The following PPP1R12A variants were observed in gnomAD, a reference collection of about 807,000 sequenced individuals.
The protein encoded by PPP1R12A is protein phosphatase 1 regulatory subunit 12A.
In PPP1R12A, 19 loss-of-function variants were observed where a neutral mutation model predicts 139.6. The observed-to-expected ratio is 0.14, with a 90% CI of 0.09 to 0.20. The LOEUF is 0.20. Ranked by LOEUF, PPP1R12A falls within the 10% of genes least tolerant of loss-of-function variation. The probability of loss-of-function intolerance (pLI) is 1.00; values close to 1 mark genes in which losing one functional copy is unlikely to be tolerated. For missense variants in PPP1R12A, 925 were observed against 1,211.5 expected (o/e 0.76, Z 3.51); for synonymous variants, 427 against 420.6 (o/e 1.02, Z -0.19).
intron 5 of PPP1R12A, among the ~76,000 whole-genome samples, chr12:79,827,545 AAC>A (rs1178986705): frequency 6.6e-6 from 1 of 152,126 alleles, no homozygotes; most frequent in African/African-American, 2.4e-5. Flanking sequence ...ATTACCTACC[AAC>A]ACAGAGTAGG....
chr12:79,883,800 G>C (rs1883862719), intron 1 of PPP1R12A, among the ~76,000 whole-genome samples: 1 of 152,132 alleles, frequency 6.6e-6, no homozygotes, highest in Non-Finnish European at 1.5e-5. Context: ...TCAGGATATT[G>C]TGCTTGGAAA....
intron 1 of PPP1R12A, among the ~76,000 whole-genome samples, chr12:79,929,326 C>T (rs956111849): frequency 6.6e-6 from 1 of 152,154 alleles, no homozygotes; most frequent in Non-Finnish European, 1.5e-5. Flanking sequence ...CACGGCCCAG[C>T]GTTTGTGAAC....
At chr12:79,909,429 G>A (rs1193085618) in intron 1 of PPP1R12A, among the ~76,000 whole-genome samples, 10 of 152,094 alleles carry the variant, frequency 6.6e-5, no homozygotes, top group Non-Finnish European at 2.9e-5. Context: ...ATCTGTTACA[G>A]TATGAACTTA....
intron 11 of PPP1R12A, 60 bp from the exon 12 acceptor site, chr12:79,807,390 G>C: frequency 1.9e-6 from 2 of 1,027,182 alleles, no homozygotes; most frequent in East Asian, 2.7e-5. Flanking sequence ...TTAAGAAAGC[G>C]GTACACTAGT....
chr12:79,928,015 G>C (rs1038859352), intron 1 of PPP1R12A, among the ~76,000 whole-genome samples: 1 of 152,176 alleles, frequency 6.6e-6, no homozygotes, highest in African/African-American at 2.4e-5. Context: ...TGTTATGGTA[G>C]TAACAAAACA....
chr12:79,781,835 G>A lies in PPP1R12A; in HGVS notation c.2935C>T (p.Leu979=). 1 of 1,541,920 alleles carries A rather than the reference G, an allele frequency of 6.5e-7. No individual in the cohort carries two copies. The highest frequency in any genetic ancestry group is 8.8e-7 in the Non-Finnish European group (1 of 1,139,960). The change falls in exon 23 of 25, where the codon CTG becomes TTG. Residue 979 remains leucine, a synonymous_variant. Coordinates refer to ENST00000450142, the MANE Select transcript of PPP1R12A (RefSeq NM_002480.3). ...CTTACCCTTTTTTCCATTTCCAACA[G>A]TGATCTATCAGCAAATCTTTCTTGT... ...QRQERFADRS[L]LEMEKRERRA...
At chr12:79,836,170 T>G (rs1878055336) in intron 3 of PPP1R12A, among the ~76,000 whole-genome samples, 1 of 152,206 alleles carries the variant, frequency 6.6e-6, no homozygotes, top group African/African-American at 2.4e-5. Flanking sequence ...CTATTATGAT[T>G]TTTATAAAAA....
intron 1 of PPP1R12A, among the ~76,000 whole-genome samples, chr12:79,917,302 T>C (rs1288642414): frequency 2.0e-5 from 3 of 151,910 alleles, no homozygotes; most frequent in Admixed American, 1.3e-4. Context: ...CTGACCAACA[T>C]GGTGAAACCC....
At chr12:79,778,677 G>A (rs1323680577) in intron 23 of PPP1R12A, 77 bp from the exon 24 acceptor site, 3 of 963,984 alleles carry the variant, frequency 3.1e-6, no homozygotes, top group Non-Finnish European at 4.3e-6. Context: ...GTGAAATAGT[G>A]ATACTTCAGA....
intron 22 of PPP1R12A, among the ~76,000 whole-genome samples, chr12:79,783,297 A>G (rs1870700677): frequency 6.8e-6 from 1 of 147,648 alleles, no homozygotes. Context: ...GTCTCTACCA[A>G]AAAAAAAAAA....
At chr12:79,860,674 C>A (rs1328852843) in intron 2 of PPP1R12A, among the ~76,000 whole-genome samples, 1 of 151,972 alleles carries the variant, frequency 6.6e-6, no homozygotes, top group African/African-American at 2.4e-5. Context: ...GGAGGTATTG[C>A]CACTGGAACT....
Position 79,781,861 on chromosome 12 carries a change from C to G in PPP1R12A, c.2909G>C (p.Arg970Thr). 1 of 1,538,138 alleles carries G rather than the reference C, an allele frequency of 6.5e-7. No homozygotes were observed. The highest frequency in any genetic ancestry group is 8.8e-7 in the Non-Finnish European group (1 of 1,137,168). The change falls in exon 23 of 25, where the codon AGA becomes ACA. Residue 970 changes from arginine (R) to threonine (T), a missense_variant and splice_region_variant. Around this residue, in one of 4 missense-constraint regions of PPP1R12A, gnomAD observed 315 missense variants for 363.4 expected, o/e 0.87. Transcript: ENST00000450142. The stretch of plus-strand genomic sequence containing the variant: ...TGATCTATCAGCAAATCTTTCTTGT[C>G]TCTGCAACAAAGTAAGAAATTATAA... ...LKLQLEKATQ[R>T]QERFADRSLL...
At chr12:79,820,420 T>C (rs1453753308) in intron 8 of PPP1R12A, among the ~76,000 whole-genome samples, 2 of 152,168 alleles carry the variant, frequency 1.3e-5, no homozygotes, top group Non-Finnish European at 2.9e-5. Context: ...TTTGGGATGC[T>C]GTTGGGACCG....
In PPP1R12A at chr12:79,798,568, C is replaced by G; in HGVS notation, c.2017G>C (p.Val673Leu). Residue 673 changes from valine (V) to leucine (L), a missense_variant, in exon 15 of 25, where the codon GTT (valine) becomes CTT (leucine). Coordinates refer to ENST00000450142, the MANE Select transcript of PPP1R12A (RefSeq NM_002480.3). ...RERRRSYLTPVRDEESESQRK... is the reference protein window; with the variant it reads ...RERRRSYLTPLRDEESESQRK... ...TGGGATTCAGACTCTTCATCCCTAA[C>G]AGGAGTGAGGTATGATCTACAGTAG... 1 of 1,561,968 alleles carries G rather than the reference C, an allele frequency of 6.4e-7. No homozygotes were observed. The highest frequency in any genetic ancestry group is 8.7e-7 in the Non-Finnish European group (1 of 1,149,516).
chr12:79,922,761 T>C (rs1355066955), intron 1 of PPP1R12A, among the ~76,000 whole-genome samples: 1 of 151,756 alleles, frequency 6.6e-6, no homozygotes, highest in African/African-American at 2.4e-5. Context: ...TAGATATGAG[T>C]CGGTAAGTGC....
chr12:79,840,900 T>TA (rs541117014), intron 3 of PPP1R12A, among the ~76,000 whole-genome samples: 81 of 152,288 alleles, frequency 5.3e-4, no homozygotes, highest in Non-Finnish European at 1.0e-3. Context: ...TCTACAAAAA[T>TA]AGATATCCTT....
At chr12:79,920,574 A>C (rs1487417592) in intron 1 of PPP1R12A, among the ~76,000 whole-genome samples, 1 of 152,208 alleles carries the variant, frequency 6.6e-6, no homozygotes, top group African/African-American at 2.4e-5. Flanking sequence ...CACTGTTGAT[A>C]GCTGGGGACT....
At chr12:79,791,175 T>C (rs1871802408) in intron 19 of PPP1R12A, among the ~76,000 whole-genome samples, 1 of 152,174 alleles carries the variant, frequency 6.6e-6, no homozygotes, top group Non-Finnish European at 1.5e-5. Flanking sequence ...AAAATGGCCA[T>C]TCCTGAACTA....
At chr12:79,815,665 A>T (rs1338274716) in intron 9 of PPP1R12A, among the ~76,000 whole-genome samples, 1 of 152,244 alleles carries the variant, frequency 6.6e-6, no homozygotes, top group Non-Finnish European at 1.5e-5. Flanking sequence ...GGGTCTTAGA[A>T]GTAAAATAAA....
Sources: allele counts gnomAD v4.1 joint callset (sites outside exome capture counted in the v4.1 genomes callset), GRCh38; gene constraint gnomAD v4.1.1; regional missense constraint gnomAD v4.1.1; transcripts MANE v1.5; gene names NCBI Gene and HGNC (gene_info 2026-07-23, HGNC 2026-07-21).